SIL1: variants seen among roughly 807,000 people sequenced by gnomAD.
SIL1 encodes nucleotide exchange factor SIL1.
In SIL1, 40 loss-of-function variants were observed where a neutral mutation model predicts 49.1. The observed-to-expected ratio is 0.81, with a 90% confidence interval of 0.63 to 1.06. SIL1 has a LOEUF of 1.06. Among genes scored for constraint, SIL1 ranks in the 50% least tolerant of loss-of-function variants. The pLI is 0.00. For missense variants in SIL1, 500 were observed against 572.6 expected (o/e 0.87, Z 1.29); for synonymous variants, 253 against 250.8 (o/e 1.01, Z -0.08).
intron 3 of SIL1, among the ~76,000 whole-genome samples, chr5:139,067,569 T>C (rs1581074262): frequency 6.6e-6 from 1 of 152,234 alleles, no homozygotes; most frequent in Admixed American, 6.5e-5. Context: ...CCTCTGAGAT[T>C]ATATGTGAAA....
chr5:139,142,471 C>T (rs1177050262), intron 1 of SIL1, among the ~76,000 whole-genome samples: 1 of 152,080 alleles, frequency 6.6e-6, no homozygotes, highest in Non-Finnish European at 1.5e-5. Flanking sequence ...CCCAGGAATA[C>T]AAGAGTGGCT....
chr5:139,123,127 A>C (rs746672235), intron 2 of SIL1, among the ~76,000 whole-genome samples: 1 of 152,236 alleles, frequency 6.6e-6, no homozygotes, highest in Non-Finnish European at 1.5e-5. Context: ...TCCAGGAGTG[A>C]CTATACAATA....
chr5:138,952,982 ATG>A (rs1420129034), intron 7 of SIL1, among the ~76,000 whole-genome samples: 2 of 152,360 alleles, frequency 1.3e-5, no homozygotes, highest in East Asian at 3.9e-4. Context: ...AGCAGCCCAC[ATG>A]TGAGGCCCCA....
At chr5:139,049,081 A>G (rs1477533854) in intron 4 of SIL1, among the ~76,000 whole-genome samples, 1 of 152,188 alleles carries the variant, frequency 6.6e-6, no homozygotes, top group Non-Finnish European at 1.5e-5. Flanking sequence ...CAGCTGAGTG[A>G]CCTTCTGACA....
At chr5:139,154,232 A>T (rs1044694588) in intron 1 of SIL1, among the ~76,000 whole-genome samples, 4 of 58,874 alleles carry the variant, frequency 6.8e-5, no homozygotes, top group Non-Finnish European at 1.1e-4. Context: ...ATATCAGGTA[A>T]AAAAAAAGGC....
chr5:139,176,211 G>A (rs1751880081), intron 1 of SIL1, among the ~76,000 whole-genome samples: 1 of 152,090 alleles, frequency 6.6e-6, no homozygotes, highest in South Asian at 2.1e-4. Flanking sequence ...CCAATAACAT[G>A]TTCCTAATTT....
chr5:138,958,229 T>C (rs953214761), intron 7 of SIL1, among the ~76,000 whole-genome samples: 20 of 152,324 alleles, frequency 1.3e-4, no homozygotes, highest in African/African-American at 4.8e-4. Flanking sequence ...TGGTAGAATG[T>C]TTCTCAGTTT....
intron 3 of SIL1, among the ~76,000 whole-genome samples, chr5:139,052,564 A>G (rs1163575943): frequency 6.6e-6 from 1 of 152,218 alleles, no homozygotes; most frequent in Non-Finnish European, 1.5e-5. Context: ...GGAACCTGTA[A>G]TCTCAGCTAC....
At chr5:139,170,721 C>G (rs529990266) in intron 1 of SIL1, among the ~76,000 whole-genome samples, 10 of 151,760 alleles carry the variant, frequency 6.6e-5, no homozygotes, top group African/African-American at 1.9e-4. Flanking sequence ...GCAGCCACCC[C>G]GTCTGGGAAG....
chr5:139,053,207 A>C (rs1769331426), intron 3 of SIL1, among the ~76,000 whole-genome samples: 1 of 152,166 alleles, frequency 6.6e-6, no homozygotes, highest in Non-Finnish European at 1.5e-5. Flanking sequence ...TTCCTGGATG[A>C]ATGCTAAACA....
At chr5:139,027,098 T>TGTGAGTCTTGGAG in intron 5 of SIL1, 106 bp from the exon 6 acceptor site, 1 of 988,734 alleles carries the variant, frequency 1.0e-6, no homozygotes, top group Non-Finnish European at 1.6e-6. Flanking sequence ...GCTCCAAGAC[T>TGTGAGTCTTGGAG]CACAGTCTTC....
At chr5:139,091,079 T>C (rs989028979) in intron 3 of SIL1, among the ~76,000 whole-genome samples, 4 of 152,238 alleles carry the variant, frequency 2.6e-5, no homozygotes, top group African/African-American at 4.8e-5. Context: ...ATAGGTCAAC[T>C]ACTCTATAAT....
chr5:139,129,059 A>T (rs1196440795), intron 1 of SIL1, among the ~76,000 whole-genome samples: 1 of 152,108 alleles, frequency 6.6e-6, no homozygotes, highest in Non-Finnish European at 1.5e-5. Flanking sequence ...AGGTGGGAGG[A>T]TCGCGTAAGC....
intron 1 of SIL1, among the ~76,000 whole-genome samples, chr5:139,182,298 C>G (rs1171248387): frequency 6.6e-6 from 1 of 152,150 alleles, no homozygotes; most frequent in African/African-American, 2.4e-5. Context: ...ACGGAATGAG[C>G]AGGGCGAGTC....
intron 7 of SIL1, among the ~76,000 whole-genome samples, chr5:138,996,499 T>G: frequency 6.6e-6 from 1 of 151,806 alleles, no homozygotes; most frequent in Non-Finnish European, 1.5e-5. Flanking sequence ...TTGGTTGTTT[T>G]CTTTGCTGTG....
intron 1 of SIL1, among the ~76,000 whole-genome samples, chr5:139,152,466 C>T (rs540378952): frequency 6.6e-6 from 1 of 151,662 alleles, no homozygotes; most frequent in East Asian, 2.0e-4. Context: ...ACTAAAAATA[C>T]AAAAATTAGC....
intron 1 of SIL1, among the ~76,000 whole-genome samples, chr5:139,145,977 AGTGT>A (rs891841717): frequency 6.7e-6 from 1 of 148,184 alleles, no homozygotes; most frequent in Non-Finnish European, 1.5e-5. Flanking sequence ...TAAGTATGTG[AGTGT>A]GTGTGTGTAT....
At chr5:139,076,768 T>C (rs1581081725) in intron 3 of SIL1, among the ~76,000 whole-genome samples, 1 of 152,212 alleles carries the variant, frequency 6.6e-6, no homozygotes, top group Non-Finnish European at 1.5e-5. Context: ...GTATGGCTAA[T>C]GGTCACTCTT....
chr5:139,069,373 T>C (rs1317226435), intron 3 of SIL1, among the ~76,000 whole-genome samples: 9 of 151,486 alleles, frequency 5.9e-5, no homozygotes, highest in African/African-American at 2.2e-4. Context: ...CAACAGAAAA[T>C]GCCTTAAGAT....
Sources: gnomAD v4.1 joint callset for allele counts (sites outside exome capture counted in the v4.1 genomes callset) on GRCh38, gnomAD v4.1.1 for gene constraint, MANE v1.5 for transcripts, NCBI Gene and HGNC (gene_info 2026-07-23, HGNC 2026-07-21) for gene names.